Variants in CBFA2T2 observed in about 807,000 individuals in gnomAD.
CBFA2T2 encodes CBFA2/RUNX1 partner transcriptional co-repressor 2.
CBFA2T2 carries 11 observed loss-of-function variants against 62.2 expected under a neutral mutation model. The observed-to-expected ratio is 0.18, with a 90% CI of 0.11 to 0.29. The LOEUF (loss-of-function observed/expected upper bound fraction) is 0.29. CBFA2T2 is among the 10% of genes least tolerant of loss of function. CBFA2T2 has a pLI of 1.00. For synonymous variants in CBFA2T2, 295 were observed against 287.5 expected, an observed-to-expected ratio of 1.03 and a Z score of -0.27; for missense variants, 592 against 774.1, an observed-to-expected ratio of 0.76 and a Z score of 2.79.
At chr20:33,599,161 C>A (rs996562387) in intron 1 of CBFA2T2, among the ~76,000 whole-genome samples, 2 of 152,102 alleles carry the variant, frequency 1.3e-5, no homozygotes, top group African/African-American at 4.8e-5. Flanking sequence ...ACTTGGGAAG[C>A]TGAGGCAGGA....
At chr20:33,597,774 ACCACAGG>A (rs1353289987) in intron 1 of CBFA2T2, among the ~76,000 whole-genome samples, 1 of 152,160 alleles carries the variant, frequency 6.6e-6, no homozygotes, top group Non-Finnish European at 1.5e-5. Context: ...AGTAGCTGGG[ACCACAGG>A]TGCATGCCAC....
At chr20:33,593,745 T>C (rs918490772) in intron 1 of CBFA2T2, among the ~76,000 whole-genome samples, 4 of 151,692 alleles carry the variant, frequency 2.6e-5, no homozygotes, top group Non-Finnish European at 5.9e-5. Flanking sequence ...TGCTTCTGCA[T>C]TAATCATGTA....
chr20:33,494,160 C>T (rs563989489), intron 1 of CBFA2T2, among the ~76,000 whole-genome samples: 1 of 143,878 alleles, frequency 7.0e-6, no homozygotes, highest in Non-Finnish European at 1.5e-5. Flanking sequence ...GGATTACAGG[C>T]GTGAGCTACC....
intron 1 of CBFA2T2, chr20:33,574,332 A>AT (rs1346275322): frequency 3.4e-6 from 5 of 1,452,442 alleles, no homozygotes; most frequent in Non-Finnish European, 4.7e-6. Flanking sequence ...CCTAGAAACA[A>AT]TTTGCTTTAA....
chr20:33,619,909 CAGA>C (rs2015873868), intron 4 of CBFA2T2, among the ~76,000 whole-genome samples: 1 of 151,962 alleles, frequency 6.6e-6, no homozygotes, highest in African/African-American at 2.4e-5. Flanking sequence ...GAGGTCCTAG[CAGA>C]AGAAATAACT....
At chr20:33,550,362 C>T (rs1432959837) in intron 1 of CBFA2T2, among the ~76,000 whole-genome samples, 5 of 151,894 alleles carry the variant, frequency 3.3e-5, no homozygotes, top group Non-Finnish European at 7.4e-5. Context: ...TTTAATTCAC[C>T]CTTTCAGACT....
intron 3 of CBFA2T2, among the ~76,000 whole-genome samples, chr20:33,612,804 T>C (rs1223145593): frequency 6.6e-6 from 1 of 152,276 alleles, no homozygotes; most frequent in Non-Finnish European, 1.5e-5. Context: ...AAAAAATTTC[T>C]CAGTCTAAGG....
chr20:33,496,890 AG>A (rs1370131016), intron 1 of CBFA2T2, among the ~76,000 whole-genome samples: 1 of 151,978 alleles, frequency 6.6e-6, no homozygotes, highest in Non-Finnish European at 1.5e-5. Flanking sequence ...TTCCCCTTTG[AG>A]GTTATGAAAT....
chr20:33,564,068 C>T (rs140463679), intron 1 of CBFA2T2, among the ~76,000 whole-genome samples: 224 of 152,108 alleles, frequency 1.5e-3, no homozygotes, highest in African/African-American at 5.2e-3. Context: ...TGTTTTTCCC[C>T]CGTGTATTAC....
chr20:33,491,297 T>C (rs1329566289), intron 1 of CBFA2T2, among the ~76,000 whole-genome samples: 1 of 152,172 alleles, frequency 6.6e-6, no homozygotes, highest in East Asian at 1.9e-4. Context: ...ATAAACAAGA[T>C]AGACCGAACT....
chr20:33,593,438 C>T (rs896221569), intron 1 of CBFA2T2, among the ~76,000 whole-genome samples: 6 of 140,908 alleles, frequency 4.3e-5, no homozygotes, highest in African/African-American at 1.3e-4. Context: ...CTGTGTTTCC[C>T]AGGCTGTGCA....
intron 1 of CBFA2T2, among the ~76,000 whole-genome samples, chr20:33,525,767 A>G (rs2011870262): frequency 6.6e-6 from 1 of 151,822 alleles, no homozygotes; most frequent in African/African-American, 2.4e-5. Flanking sequence ...TTCTCCCACT[A>G]CAGCCTCCCA....
At chr20:33,558,562 T>G (rs1403632282) in intron 1 of CBFA2T2, among the ~76,000 whole-genome samples, 1 of 152,200 alleles carries the variant, frequency 6.6e-6, no homozygotes. Context: ...ATCATCATCT[T>G]GCCATTAACA....
At chr20:33,569,923 A>G (rs1039968070) in intron 1 of CBFA2T2, among the ~76,000 whole-genome samples, 2 of 152,240 alleles carry the variant, frequency 1.3e-5, no homozygotes, top group African/African-American at 4.8e-5. Context: ...GCCAGGCCCT[A>G]TGGTGTGTGC....
At chr20:33,507,854 TTGTG>T (rs2011430913) in intron 1 of CBFA2T2, among the ~76,000 whole-genome samples, 1 of 152,128 alleles carries the variant, frequency 6.6e-6, no homozygotes, top group Non-Finnish European at 1.5e-5. Context: ...GTTTGCCTGT[TTGTG>T]TAATTTTGAT....
chr20:33,508,392 G>T (rs1312728108), intron 1 of CBFA2T2, among the ~76,000 whole-genome samples: 3 of 152,052 alleles, frequency 2.0e-5, no homozygotes, highest in African/African-American at 7.2e-5. Context: ...ACTGCACCCC[G>T]CCTGCCTTTG....
At chr20:33,528,100 G>A (rs562211274) in intron 1 of CBFA2T2, among the ~76,000 whole-genome samples, 1 of 152,104 alleles carries the variant, frequency 6.6e-6, no homozygotes, top group Non-Finnish European at 1.5e-5. Context: ...AAACTCCTGG[G>A]TTCAAGCAGT....
rs1313661052 is a variant in CBFA2T2 at position 33,490,144 on chromosome 20, C to A, written c.-124C>A. On this transcript the variant is annotated 5_prime_UTR_variant, in exon 1 of 11. Transcript: ENST00000342704. The stretch of plus-strand genomic sequence containing the variant: ...CAGCGGTGGTGGTGTCTGGTTAGCT[C>A]GGCGGCTGCAGATCTCGCGGCGACG... 9.9e-7 allele frequency: 1 copy of A among 1,011,386 alleles called. No homozygotes were observed. The highest frequency in any genetic ancestry group is 1.7e-5 in the African/African-American group (1 of 58,458). The allele number at this position is 1,011,386 out of a possible 1,614,324, so 62.7% of individuals were successfully genotyped here. A position where few individuals can be genotyped will look rare whatever the true frequency, so the allele number is the denominator to read the frequency against.
At chr20:33,615,837 G>A (rs1166928227) in intron 3 of CBFA2T2, among the ~76,000 whole-genome samples, 1 of 152,102 alleles carries the variant, frequency 6.6e-6, no homozygotes, top group African/African-American at 2.4e-5. Flanking sequence ...GAGTTCCCTA[G>A]GTTTTGTGTT....
Sources: gnomAD v4.1 joint callset for allele counts (sites outside exome capture counted in the v4.1 genomes callset) on GRCh38, gnomAD v4.1.1 for gene constraint, MANE v1.5 for transcripts, NCBI Gene and HGNC (gene_info 2026-07-23, HGNC 2026-07-21) for gene names.